Variants in DPP9 observed in about 807,000 individuals in gnomAD.
DPP9 encodes the protein dipeptidyl peptidase IV-related protein-2.
Under a neutral mutation model 110.7 loss-of-function variants are expected in DPP9, and 50 were observed. The ratio of observed to expected loss-of-function variants is 0.45; its 90% CI spans 0.36 to 0.57. The LOEUF (loss-of-function observed/expected upper bound fraction) is 0.57, where lower values mean the gene tolerates loss of function less well. DPP9 is among the 20% of genes least tolerant of loss of function. The probability of loss-of-function intolerance (pLI) is 0.00; values close to 1 mark genes in which losing one functional copy is unlikely to be tolerated. For missense variants in DPP9, 1,022 were observed against 1,217.9 expected, an observed-to-expected ratio of 0.84 and a Z score of 2.39; for synonymous variants, 561 against 514.4, an observed-to-expected ratio of 1.09 and a Z score of -1.23.
In DPP9 at chr19:4,684,798, C is replaced by A. The variant is rs748923165; in HGVS notation, c.2043G>T (p.Val681=). The change falls in exon 18 of 22, where the codon GTG becomes GTT. Residue 681 remains valine (V), a synonymous_variant. Transcript: ENST00000262960. This position sits in a 1 kb window ranked among gnomAD's most constrained non-coding sequence, Gnocchi z 4.8. Reference sequence around the variant, plus strand: ...ACTTGATGCCTTTGAAGGAGTTATTCACCAGCTGCACCTGTGGGGAGGTGA... The same window carrying A: ...ACTTGATGCCTTTGAAGGAGTTATTAACCAGCTGCACCTGTGGGGAGGTGA... The part of the protein sequence containing the change: ...FVYGGPQVQL[V]NNSFKGIKYL... The A allele has an allele frequency of 6.3e-7, 1 of 1,593,606 alleles. No homozygotes were observed. The highest frequency in any genetic ancestry group is 1.1e-5 in the South Asian group (1 of 87,648).
intron 7 of DPP9, 78 bp from the exon 8 acceptor site, chr19:4,702,794 G>A (rs1421768009): frequency 1.5e-5 from 10 of 683,228 alleles, no homozygotes; most frequent in Non-Finnish European, 2.3e-5. Context: ...CTCAAGGAGA[G>A]CATGAGAGAG....
chr19:4,677,149 A>T (rs1337976280), intron 21 of DPP9, among the ~76,000 whole-genome samples: 1 of 152,128 alleles, frequency 6.6e-6, no homozygotes, highest in Admixed American at 6.5e-5. Flanking sequence ...TTAGCGCCCA[A>T]GGGGGATCAA....
At position 4,684,231 on chromosome 19, in the gene DPP9, CCT is replaced by C. The variant is rs964964577; in HGVS notation, c.2178+430_2178+431del. 165 of 272,000 alleles carry C rather than the reference CCT, an allele frequency of 6.1e-4. 1 individual carries two copies. Among genetic ancestry groups the C allele is most frequent in the Non-Finnish European group, 6.6e-4 (91 of 138,860 alleles). 16.8% of individuals were successfully genotyped at this position (272,000 alleles called of 1,614,324 possible). On this transcript the variant is annotated intron_variant, in intron 18 of 21. Transcript: ENST00000262960. This position sits in a 1 kb window ranked among gnomAD's most constrained non-coding sequence, Gnocchi z 4.8. ...CTGCCGTGTAGGAAGCAGCACAGGGCCTCTCTGGAGGGTTGCTGACCAGGCAA... is the reference window on the plus strand; with the variant it reads ...CTGCCGTGTAGGAAGCAGCACAGGGCCTCTGGAGGGTTGCTGACCAGGCAA...
chr19:4,722,823 C>A (rs770656369), intron 1 of DPP9: 112 of 402,976 alleles, frequency 2.8e-4, no homozygotes, highest in Admixed American at 1.4e-3. Context: ...AGTCCCAGCT[C>A]CTCGAAAGCA....
intron 18 of DPP9, chr19:4,683,897 T>C (rs2090294199): frequency 2.3e-6 from 3 of 1,311,096 alleles, no homozygotes; most frequent in Non-Finnish European, 3.1e-6. Flanking sequence ...CCATCCCTAA[T>C]AAAGGGACAT....
intron 16 of DPP9, among the ~76,000 whole-genome samples, chr19:4,686,790 G>A (rs1329096579): frequency 6.6e-6 from 1 of 152,174 alleles, no homozygotes; most frequent in African/African-American, 2.4e-5. Context: ...ACAGGTCTAG[G>A]GGTAGCAGAA....
At chr19:4,680,183 G>T (rs1313055212) in intron 20 of DPP9, among the ~76,000 whole-genome samples, 2 of 150,496 alleles carry the variant, frequency 1.3e-5, no homozygotes. Flanking sequence ...GTTGCAGTGC[G>T]CTGAGATCGC....
At chr19:4,686,683 G>A (rs898509193) in intron 16 of DPP9, among the ~76,000 whole-genome samples, 6 of 152,122 alleles carry the variant, frequency 3.9e-5, no homozygotes, top group African/African-American at 9.7e-5. Flanking sequence ...GATTACAGGC[G>A]TGAGGCACTG....
rs1290498689 is a variant in DPP9, at chr19:4,682,685, A to G, written c.2474+11T>C. 6.2e-7 allele frequency: 1 copy of G among 1,608,486 alleles called. No homozygotes were observed. On this transcript the variant is annotated intron_variant, in intron 20 of 21. Coordinates refer to ENST00000262960, the MANE Select transcript of DPP9 (RefSeq NM_139159.5). This position sits in a 1 kb window ranked among gnomAD's most constrained non-coding sequence, Gnocchi z 7.1. ...CCCGGGGAGGAGCGCAGGGCAGGGC[A>G]GTGGCCTTACTCATTGGGCAGCTTC...
chr19:4,695,688 C>A lies in DPP9; in HGVS notation c.1176-133G>T. On this transcript the variant is annotated intron_variant, in intron 11 of 21. Transcript: ENST00000262960. The surrounding 1 kb of genome is among the most constrained non-coding windows in gnomAD (Gnocchi z 4.7). Reference sequence around the variant, plus strand: ...GCTTCCTGCGCTGGCTTCACCTGCACTTGGCCAAGTAACCCTGCAGCACCC... The same window carrying A: ...GCTTCCTGCGCTGGCTTCACCTGCAATTGGCCAAGTAACCCTGCAGCACCC... 1.4e-6 allele frequency: 1 copy of A among 697,918 alleles called. No homozygotes were observed. Among genetic ancestry groups the A allele is most frequent in the Non-Finnish European group, 2.2e-6 (1 of 461,016 alleles). 43.2% of individuals were successfully genotyped at this position (697,918 alleles called of 1,614,324 possible). A position where few individuals can be genotyped will look rare whatever the true frequency, so the allele number is the denominator to read the frequency against.
At position 4,675,984 on chromosome 19, in the gene DPP9, G is replaced by A. The variant is rs1382834475; in HGVS notation, c.*580C>T. ...GACGGGGTTTCCCCATGTTGGCCAG[G>A]CTGGTCTTGAACTCCCAACCTCAGG... On this transcript the variant is annotated 3_prime_UTR_variant, in exon 22 of 22. Coordinates refer to ENST00000262960, the MANE Select transcript of DPP9 (RefSeq NM_139159.5). 6 of 152,648 alleles carry A rather than the reference G, an allele frequency of 3.9e-5. No homozygotes were observed. The highest frequency in any genetic ancestry group is 3.9e-4 in the Admixed American group (6 of 15,316). 9.5% of individuals were successfully genotyped at this position (152,648 alleles called of 1,614,324 possible). A position where few individuals can be genotyped will look rare whatever the true frequency, so the allele number is the denominator to read the frequency against.
rs1428934311 is a variant in DPP9, at chr19:4,719,911, C to T, written c.-5G>A. 14 of 1,551,614 alleles carry T rather than the reference C, an allele frequency of 9.0e-6. No homozygotes were observed. Among genetic ancestry groups the T allele is most frequent in the African/African-American group, 4.1e-5 (3 of 73,066 alleles). On this transcript the variant is annotated 5_prime_UTR_variant, in exon 3 of 22. Coordinates refer to ENST00000262960, the MANE Select transcript of DPP9 (RefSeq NM_139159.5). The stretch of plus-strand genomic sequence containing the variant: ...CAGTTTCTTAACCTTCCGCATTAAC[C>T]GCTCAGCTGACCTCAGGAGGGCAGG...
In DPP9 at chr19:4,688,955, G is replaced by A. The variant is rs115767482; in HGVS notation, c.1750-63C>T. On this transcript the variant is annotated intron_variant, in intron 15 of 21. Coordinates refer to ENST00000262960, the MANE Select transcript of DPP9 (RefSeq NM_139159.5). ...CGCTGCGCCCTTTCCACTGGGTGCC[G>A]ACCGCAGATCCAGGGTAGCTTCCCT... is the stretch of plus-strand genomic sequence containing the variant. 3.0e-3 allele frequency: 4,416 copies of A among 1,478,284 alleles called. 106 individuals carry two copies. In the African/African-American group the frequency reaches 0.058, roughly 19 times the overall value. 91.6% of individuals were successfully genotyped at this position (1,478,284 alleles called of 1,614,324 possible).
rs60199752 is a variant in DPP9, at chr19:4,704,992, T to C, written c.427-688A>G. On this transcript the variant is annotated intron_variant, in intron 5 of 21. Transcript: ENST00000262960. The surrounding 1 kb of genome is among the most constrained non-coding windows in gnomAD (Gnocchi z 6.0). ...TAGCCTGAGTGACAGAGTGAGACTTTGTCTCAAAAAAAAAAGCAGAATCAA... is the reference window on the plus strand; with the variant it reads ...TAGCCTGAGTGACAGAGTGAGACTTCGTCTCAAAAAAAAAAGCAGAATCAA... Among the ~76,000 whole-genome samples, 23,644 of 151,458 alleles carry C rather than the reference T, an allele frequency of 0.16. 2,152 individuals are homozygous for C. Among genetic ancestry groups the C allele is most frequent in the South Asian group, 0.23 (1,101 of 4,806 alleles).
chr19:4,683,245 C>T (rs1054122081), intron 19 of DPP9: 31 of 1,431,420 alleles, frequency 2.2e-5, no homozygotes, highest in Non-Finnish European at 2.6e-5. Flanking sequence ...GAGCTGCTGG[C>T]GGGGTTTTGT....
At chr19:4,707,174 T>C (rs2092625059) in intron 4 of DPP9, among the ~76,000 whole-genome samples, 1 of 152,226 alleles carries the variant, frequency 6.6e-6, no homozygotes, top group African/African-American at 2.4e-5. Context: ...TGTGACCCTC[T>C]GTGAAATCAG....
intron 16 of DPP9, among the ~76,000 whole-genome samples, chr19:4,686,242 C>A (rs1425497555): frequency 2.0e-5 from 3 of 151,992 alleles, no homozygotes; most frequent in Admixed American, 6.6e-5. Flanking sequence ...GTGCACGGCA[C>A]CACGCCCGGC....
intron 21 of DPP9, among the ~76,000 whole-genome samples, chr19:4,678,409 G>A (rs929533414): frequency 3.9e-5 from 6 of 152,326 alleles, no homozygotes; most frequent in African/African-American, 9.6e-5. Context: ...CACCACGCCC[G>A]GCCTGAATGC....
chr19:4,696,852 C>T (rs1202377524), intron 11 of DPP9, among the ~76,000 whole-genome samples: 1 of 152,106 alleles, frequency 6.6e-6, no homozygotes, highest in East Asian at 1.9e-4. Context: ...GTTAACATTC[C>T]ATTGGAGGCA....
Sources: gnomAD v4.1 joint callset for allele counts (sites outside exome capture counted in the v4.1 genomes callset) on GRCh38, gnomAD v4.1.1 for gene constraint, Gnocchi (gnomAD v3.1) non-coding constraint, MANE v1.5 for transcripts, NCBI Gene and HGNC (gene_info 2026-07-23, HGNC 2026-07-21) for gene names.